Variants in CAMTA1 observed in about 807,000 individuals in gnomAD.
CAMTA1 encodes the protein calmodulin-binding transcription activator 1.
A neutral mutation model predicts 170.9 loss-of-function variants in CAMTA1; 27 were observed. The observed-to-expected ratio is 0.16, with a 90% CI of 0.12 to 0.22. CAMTA1 has a LOEUF of 0.22. Among genes scored for constraint, CAMTA1 ranks in the 10% least tolerant of loss-of-function variants. The probability of loss-of-function intolerance (pLI) is 1.00; values close to 1 mark genes in which losing one functional copy is unlikely to be tolerated. For synonymous variants in CAMTA1, 833 were observed against 891.5 expected (o/e 0.93, Z 1.17); for missense variants, 1,619 against 2,217.2 (o/e 0.73, Z 5.42).
At chr1:7,080,382 G>T (rs1443907184) in intron 3 of CAMTA1, among the ~76,000 whole-genome samples, 1 of 152,148 alleles carries the variant, frequency 6.6e-6, no homozygotes, top group African/African-American at 2.4e-5. Flanking sequence ...TAGGAAACTT[G>T]CTATAAAGAC....
chr1:7,595,688 C>T (rs1203316563), intron 6 of CAMTA1, among the ~76,000 whole-genome samples: 1 of 152,156 alleles, frequency 6.6e-6, no homozygotes, highest in Non-Finnish European at 1.5e-5. Flanking sequence ...GAAACTGAGG[C>T]CCAGGCTGGT....
At position 7,092,311 on chromosome 1, in the gene CAMTA1, G is replaced by A. The variant is rs1486869875; in HGVS notation, c.302+940G>A. Reference sequence around the variant, plus strand: ...AGGGTTGAGTGTGTCCTCTGTGCCCGTGGCCCATCAGCTTGACCTGTTCAT... The same window carrying A: ...AGGGTTGAGTGTGTCCTCTGTGCCCATGGCCCATCAGCTTGACCTGTTCAT... On this transcript the variant is annotated intron_variant, in intron 4 of 22. Coordinates refer to ENST00000303635, the MANE Select transcript of CAMTA1 (RefSeq NM_015215.4). The surrounding 1 kb of genome is among the most constrained non-coding windows in gnomAD (Gnocchi z 5.0). Among the ~76,000 whole-genome samples, 7 of 152,212 alleles carry A rather than the reference G, an allele frequency of 4.6e-5. No homozygotes were observed. Among genetic ancestry groups the A allele is most frequent in the African/African-American group, 1.7e-4 (7 of 41,458 alleles).
chr1:6,817,372 A>AATG (rs1645950230), intron 1 of CAMTA1, among the ~76,000 whole-genome samples: 2 of 152,332 alleles, frequency 1.3e-5, no homozygotes, highest in South Asian at 4.1e-4. Context: ...ACTAAATTAA[A>AATG]ATGAGGTATT....
intron 3 of CAMTA1, among the ~76,000 whole-genome samples, chr1:6,898,676 C>T (rs757586220): frequency 3.3e-4 from 50 of 152,182 alleles, no homozygotes; most frequent in Non-Finnish European, 6.2e-4. Flanking sequence ...GTTGGTGCTT[C>T]GTGATGGTAC....
At chr1:7,577,530 A>G (rs1192361564) in intron 6 of CAMTA1, among the ~76,000 whole-genome samples, 1 of 151,654 alleles carries the variant, frequency 6.6e-6, no homozygotes, top group Non-Finnish European at 1.5e-5. Flanking sequence ...ACACGTGCCC[A>G]GGGACTTTGT....
At chr1:6,900,833 A>C (rs1676777909) in intron 3 of CAMTA1, among the ~76,000 whole-genome samples, 1 of 152,238 alleles carries the variant, frequency 6.6e-6, no homozygotes, top group African/African-American at 2.4e-5. Flanking sequence ...ACTAAATAGT[A>C]AGATGTCTGT....
chr1:7,745,764 A>G (rs1306991902), intron 17 of CAMTA1, 81 bp from the exon 18 acceptor site: 23 of 1,561,866 alleles, frequency 1.5e-5, no homozygotes, highest in East Asian at 2.3e-5. Context: ...GGCAGATACC[A>G]TCTTGGCTCA....
chr1:7,690,588 G>C (rs575059873), intron 11 of CAMTA1, among the ~76,000 whole-genome samples: 39 of 152,340 alleles, frequency 2.6e-4, no homozygotes, highest in African/African-American at 8.4e-4. Context: ...CACCAGGATT[G>C]TTTCTTTCAG....
intron 5 of CAMTA1, among the ~76,000 whole-genome samples, chr1:7,298,304 T>C (rs1030858225): frequency 7.3e-6 from 1 of 136,140 alleles, no homozygotes; most frequent in Non-Finnish European, 1.6e-5. Context: ...TTTAGCCTTC[T>C]CCAGAGATGC....
intron 5 of CAMTA1, among the ~76,000 whole-genome samples, chr1:7,351,611 C>T (rs762867946): frequency 2.0e-4 from 30 of 152,278 alleles, no homozygotes; most frequent in Non-Finnish European, 2.8e-4. Context: ...GCAGGCCATT[C>T]GGGGTGATGG....
At chr1:7,276,303 A>ATAATTTTTTTTTTTTTTTTTTTT in intron 5 of CAMTA1, among the ~76,000 whole-genome samples, 2 of 24,228 alleles carry the variant, frequency 8.3e-5, no homozygotes, top group African/African-American at 5.9e-4. Flanking sequence ...ATATATATAT[A>ATAATTTTTTTTTTTTTTTTTTTT]TTTTTTTTTT....
chr1:6,892,248 G>C (rs1674659281), intron 3 of CAMTA1, among the ~76,000 whole-genome samples: 1 of 152,164 alleles, frequency 6.6e-6, no homozygotes, highest in South Asian at 2.1e-4. Context: ...GCCATACTGT[G>C]CCTTCAGAAA....
chr1:7,540,884 A>T (rs899836588), intron 6 of CAMTA1, among the ~76,000 whole-genome samples: 3 of 152,268 alleles, frequency 2.0e-5, no homozygotes, highest in African/African-American at 7.2e-5. Flanking sequence ...GAATTAGTTG[A>T]TTAGTTGCAC....
intron 5 of CAMTA1, among the ~76,000 whole-genome samples, chr1:7,270,227 A>G (rs1437195513): frequency 1.1e-5 from 1 of 87,250 alleles, no homozygotes; most frequent in East Asian, 2.6e-4. Flanking sequence ...ATATACATAT[A>G]TATACACATA....
chr1:7,616,992 G>A (rs553819682), intron 6 of CAMTA1, among the ~76,000 whole-genome samples: 2 of 152,342 alleles, frequency 1.3e-5, no homozygotes, highest in South Asian at 4.1e-4. Context: ...CCGCAGGGAA[G>A]TTTTCCCTCT....
intron 3 of CAMTA1, among the ~76,000 whole-genome samples, chr1:6,929,746 C>T (rs563707674): frequency 6.6e-6 from 1 of 152,328 alleles, no homozygotes; most frequent in East Asian, 1.9e-4. Flanking sequence ...ATCTGCCTGC[C>T]TCGGCCTCCC....
rs146075888 is a variant in CAMTA1, at chr1:7,532,718, C to T, written c.510+64817C>T. Among the ~76,000 whole-genome samples the T allele has an allele frequency of 8.3e-4, 126 of 152,318 alleles. No individual in the cohort carries two copies. Among genetic ancestry groups the T allele is most frequent in the East Asian group, 5.2e-3 (27 of 5,182 alleles). ...CCATCAGCCTGGTAGTGACTGTTTA[C>T]GATGGGTGCCCAATCGCTGATAGAA... On this transcript the variant is annotated intron_variant, in intron 6 of 22. Coordinates refer to ENST00000303635, the MANE Select transcript of CAMTA1 (RefSeq NM_015215.4). This position sits in a 1 kb window ranked among gnomAD's most constrained non-coding sequence, Gnocchi z 4.2.
rs963814920 is a variant in CAMTA1, at chr1:7,561,589, C to T, written c.511-78811C>T. ...GGGCTGGTTCAGGGAGGAGGGGAGA[C>T]TGTGGGCGGCTTGCGCAGCACCCTC... On this transcript the variant is annotated intron_variant, in intron 6 of 22. Transcript: ENST00000303635. The surrounding 1 kb of genome is among the most constrained non-coding windows in gnomAD (Gnocchi z 5.3). Among the ~76,000 whole-genome samples the T allele has an allele frequency of 1.3e-5, 2 of 151,970 alleles. No homozygotes were observed. Among genetic ancestry groups the T allele is most frequent in the East Asian group, 3.9e-4 (2 of 5,134 alleles).
At chr1:7,540,939 T>C (rs1383904905) in intron 6 of CAMTA1, among the ~76,000 whole-genome samples, 1 of 152,212 alleles carries the variant, frequency 6.6e-6, no homozygotes, top group Non-Finnish European at 1.5e-5. Context: ...CATTGGTCTT[T>C]AGCTAATGGC....
Sources: gnomAD v4.1 joint callset for allele counts (sites outside exome capture counted in the v4.1 genomes callset) on GRCh38, gnomAD v4.1.1 for gene constraint, Gnocchi (gnomAD v3.1) non-coding constraint, MANE v1.5 for transcripts, NCBI Gene and HGNC (gene_info 2026-07-23, HGNC 2026-07-21) for gene names.